Variants in GATAD2A observed in about 807,000 individuals in gnomAD.
The protein encoded by GATAD2A is GATA zinc finger domain containing 2A.
GATAD2A carries 12 observed loss-of-function variants against 68.5 expected under a neutral mutation model. That is an observed-to-expected ratio of 0.18 (90% CI 0.11 to 0.28). The LOEUF (loss-of-function observed/expected upper bound fraction) is 0.28. GATAD2A is among the 10% of genes least tolerant of loss of function. The probability of loss-of-function intolerance (pLI) is 1.00; values close to 1 mark genes in which losing one functional copy is unlikely to be tolerated. For missense variants in GATAD2A, 755 were observed against 868.5 expected, an observed-to-expected ratio of 0.87 and a Z score of 1.64; for synonymous variants, 410 against 375.3, an observed-to-expected ratio of 1.09 and a Z score of -1.07.
rs1387349439 is a variant in GATAD2A at position 19,508,668 on chromosome 19, G to A, written c.*3194G>A. The A allele has an allele frequency of 6.6e-6, 1 of 152,200 alleles. No individual in the cohort carries two copies. Among genetic ancestry groups the A allele is most frequent in the African/African-American group, 2.4e-5 (1 of 41,444 alleles). The allele number at this position is 152,200 out of a possible 1,614,324, so 9.4% of individuals were successfully genotyped here. A position where few individuals can be genotyped will look rare whatever the true frequency, so the allele number is the denominator to read the frequency against. On this transcript the variant is annotated 3_prime_UTR_variant, in exon 12 of 12. Coordinates refer to ENST00000683918, the MANE Select transcript of GATAD2A (RefSeq NM_001384528.1). ...AACTTGGACTGAGCTTTTAAAAAAG[G>A]ACAGCAAACAATTTTATAATCCTTA... is the stretch of plus-strand genomic sequence containing the variant.
Position 19,465,242 on chromosome 19 carries a change from A to C in GATAD2A, c.-6-98A>C, listed in dbSNP as rs1600202366. Reference sequence around the variant, plus strand: ...TACATTCTTTTGCCATCCTTCCCATAGGGAGGAAAACACTGAAAGCAACAC... The same window carrying C: ...TACATTCTTTTGCCATCCTTCCCATCGGGAGGAAAACACTGAAAGCAACAC... On this transcript the variant is annotated intron_variant, in intron 1 of 11. Transcript: ENST00000683918. The C allele has an allele frequency of 5.6e-6, 5 of 889,934 alleles. No homozygotes were observed. In the East Asian group the frequency reaches 9.7e-5, roughly 17 times the overall value. The allele number at this position is 889,934 out of a possible 1,614,324, so 55.1% of individuals were successfully genotyped here.
At chr19:19,477,094 C>T (rs1163590604) in intron 2 of GATAD2A, among the ~76,000 whole-genome samples, 2 of 152,160 alleles carry the variant, frequency 1.3e-5, no homozygotes, top group African/African-American at 2.4e-5. Flanking sequence ...AGTCACAGTG[C>T]TGAGAGGAAG....
Position 19,421,336 on chromosome 19 carries a change from C to T in GATAD2A, c.-7+15317C>T, listed in dbSNP as rs115900395. Among the ~76,000 whole-genome samples the T allele has an allele frequency of 5.0e-3, 765 of 152,266 alleles. 8 individuals are homozygous for T. Among genetic ancestry groups the T allele is most frequent in the African/African-American group, 0.017 (694 of 41,542 alleles). ...CCAGTTGAATGGATGAGTGAACTAACGCCCCTGCCCCTATGGCCCTGCCCC... is the reference window on the plus strand; with the variant it reads ...CCAGTTGAATGGATGAGTGAACTAATGCCCCTGCCCCTATGGCCCTGCCCC... On this transcript the variant is annotated intron_variant, in intron 1 of 11. Coordinates refer to ENST00000683918, the MANE Select transcript of GATAD2A (RefSeq NM_001384528.1).
chr19:19,437,391 A>C (rs1003371555), intron 1 of GATAD2A, among the ~76,000 whole-genome samples: 5 of 152,186 alleles, frequency 3.3e-5, no homozygotes, highest in African/African-American at 1.2e-4. Context: ...TGGCCTCCCA[A>C]AGTGTTGGGC....
At chr19:19,460,702 G>A (rs1042331144) in intron 1 of GATAD2A, among the ~76,000 whole-genome samples, 3 of 152,172 alleles carry the variant, frequency 2.0e-5, no homozygotes, top group African/African-American at 7.2e-5. Flanking sequence ...GCAAAAACAA[G>A]TGAAAGAAAG....
intron 1 of GATAD2A, among the ~76,000 whole-genome samples, chr19:19,423,307 A>C (rs535304207): frequency 2.0e-5 from 3 of 152,180 alleles, no homozygotes; most frequent in South Asian, 4.1e-4. Flanking sequence ...CACTTGGCCT[A>C]TTTCTCTCTT....
rs956629442 is a variant in GATAD2A, at chr19:19,506,814, A to C, written c.*1340A>C. ...GCGAGGGCGTCCCGTGCCCACGTAC[A>C]TACGTATGTCTCCATGAGTTCTGGG... is the stretch of plus-strand genomic sequence containing the variant. On this transcript the variant is annotated 3_prime_UTR_variant, in exon 12 of 12. Transcript: ENST00000683918. 1 of 152,210 alleles carries C rather than the reference A, an allele frequency of 6.6e-6. No homozygotes were observed. Among genetic ancestry groups the C allele is most frequent in the Non-Finnish European group, 1.5e-5 (1 of 68,030 alleles). The allele number at this position is 152,210 out of a possible 1,614,324, so 9.4% of individuals were successfully genotyped here. A position where few individuals can be genotyped will look rare whatever the true frequency, so the allele number is the denominator to read the frequency against.
At chr19:19,475,071 A>G (rs1239361966) in intron 2 of GATAD2A, among the ~76,000 whole-genome samples, 1 of 152,184 alleles carries the variant, frequency 6.6e-6, no homozygotes, top group Non-Finnish European at 1.5e-5. Flanking sequence ...CTGCCTGCAT[A>G]CGGGTGGAGG....
chr19:19,467,016 T>G (rs969660216), intron 2 of GATAD2A, among the ~76,000 whole-genome samples: 2 of 152,218 alleles, frequency 1.3e-5, no homozygotes, highest in African/African-American at 4.8e-5. Context: ...CATTTTCTCC[T>G]GTAATCACCA....
chr19:19,462,457 C>T (rs575169469), intron 1 of GATAD2A, among the ~76,000 whole-genome samples: 38 of 152,354 alleles, frequency 2.5e-4, no homozygotes, highest in African/African-American at 7.9e-4. Flanking sequence ...CGCAGGGCCC[C>T]GCCCCGCAGT....
intron 1 of GATAD2A, chr19:19,457,137 C>T: frequency 5.1e-6 from 5 of 985,410 alleles, no homozygotes; most frequent in Non-Finnish European, 6.0e-6. Context: ...ATGTGCAGCA[C>T]ACCTGCTCTG....
At chr19:19,495,988 T>G (rs1281642804) in intron 6 of GATAD2A, 64 bp from the exon 7 acceptor site, 2 of 1,588,142 alleles carry the variant, frequency 1.3e-6, no homozygotes, top group African/African-American at 2.7e-5. Flanking sequence ...GCCCTGTGCC[T>G]TCCGGTCCCG....
chr19:19,492,238 G>A (rs1382845062), intron 2 of GATAD2A, 68 bp from the exon 3 acceptor site: 7 of 1,509,774 alleles, frequency 4.6e-6, no homozygotes, highest in Non-Finnish European at 6.3e-6. Context: ...CCTGCCATGT[G>A]TCCACAGGGG....
At chr19:19,431,946 G>A (rs990266808) in intron 1 of GATAD2A, among the ~76,000 whole-genome samples, 2 of 152,014 alleles carry the variant, frequency 1.3e-5, no homozygotes, top group Non-Finnish European at 2.9e-5. Context: ...AGGCAGGGGT[G>A]GTGGGGGATC....
At chr19:19,490,360 G>A (rs2059707885) in intron 2 of GATAD2A, among the ~76,000 whole-genome samples, 1 of 152,134 alleles carries the variant, frequency 6.6e-6, no homozygotes, top group Non-Finnish European at 1.5e-5. Flanking sequence ...CTTCCCTGAG[G>A]ACGCAGCTCA....
chr19:19,400,001 G>A (rs1383837165), intron 1 of GATAD2A, among the ~76,000 whole-genome samples: 1 of 150,812 alleles, frequency 6.6e-6, no homozygotes, highest in Non-Finnish European at 1.5e-5. Context: ...TAGCCTTTTT[G>A]TTTTTCCTGG....
At chr19:19,500,452 A>T (rs2060453114) in intron 8 of GATAD2A, among the ~76,000 whole-genome samples, 1 of 152,092 alleles carries the variant, frequency 6.6e-6, no homozygotes, top group Non-Finnish European at 1.5e-5. Flanking sequence ...TAAGTGCTGA[A>T]CACAAAAAAG....
intron 1 of GATAD2A, among the ~76,000 whole-genome samples, chr19:19,442,037 T>C (rs993873235): frequency 1.3e-5 from 2 of 151,730 alleles, no homozygotes; most frequent in Non-Finnish European, 2.9e-5. Flanking sequence ...AATTTTGTAT[T>C]TTTAGTAGAG....
intron 1 of GATAD2A, among the ~76,000 whole-genome samples, chr19:19,386,475 AC>A (rs2048429842): frequency 1.4e-5 from 2 of 141,408 alleles, no homozygotes; most frequent in Admixed American, 1.4e-4. Flanking sequence ...CTTTCTAGCG[AC>A]CCCCACCTTT....
Sources: allele counts gnomAD v4.1 joint callset (sites outside exome capture counted in the v4.1 genomes callset), GRCh38; gene constraint gnomAD v4.1.1; transcripts MANE v1.5; gene names NCBI Gene and HGNC (gene_info 2026-07-23, HGNC 2026-07-21).